ASAP1: variants seen among roughly 807,000 people sequenced by gnomAD.
ASAP1 encodes the protein arf-GAP with SH3 domain, ANK repeat and PH domain-containing protein 1.
A neutral mutation model predicts 145.2 loss-of-function variants in ASAP1; 43 were observed. The ratio of observed to expected loss-of-function variants is 0.30; its 90% CI spans 0.23 to 0.38. ASAP1 has a LOEUF of 0.38. Among genes scored for constraint, ASAP1 ranks in the 10% least tolerant of loss-of-function variants. The probability of loss-of-function intolerance (pLI) is 1.00; values close to 1 mark genes in which losing one functional copy is unlikely to be tolerated. For missense variants in ASAP1, 1,018 were observed against 1,355.3 expected, an observed-to-expected ratio of 0.75 and a Z score of 3.91; for synonymous variants, 546 against 515.5, an observed-to-expected ratio of 1.06 and a Z score of -0.80.
intron 27 of ASAP1, among the ~76,000 whole-genome samples, chr8:130,074,703 G>T (rs1005228411): frequency 6.6e-6 from 1 of 152,174 alleles, no homozygotes; most frequent in African/African-American, 2.4e-5. Context: ...TGGTAGTAGG[G>T]GTGGACTCCT....
At chr8:130,151,924 T>C (rs2097647287) in intron 13 of ASAP1, among the ~76,000 whole-genome samples, 1 of 152,240 alleles carries the variant, frequency 6.6e-6, no homozygotes, top group South Asian at 2.1e-4. Flanking sequence ...CAGCTGTTCT[T>C]TGTGCTTCAG....
In ASAP1 at chr8:130,068,954, G is replaced by A. The variant is rs138127827; in HGVS notation, c.2701+7394C>T. 2.7e-3 allele frequency among the ~76,000 whole-genome samples: 416 copies of A among 152,284 alleles called. 1 individual carries two copies. Among genetic ancestry groups the A allele is most frequent in the South Asian group, 5.0e-3 (24 of 4,824 alleles). On this transcript the variant is annotated intron_variant, in intron 27 of 29. Transcript: ENST00000518721. ...CAGTTCAAGAAGCCTTATTAAATTT[G>A]CTGTCTCAGCTTCCCTTCATGGGTC...
At chr8:130,394,571 T>C (rs1320225069) in intron 2 of ASAP1, among the ~76,000 whole-genome samples, 1 of 152,180 alleles carries the variant, frequency 6.6e-6, no homozygotes, top group African/African-American at 2.4e-5. Context: ...CCTTGTAAAG[T>C]ATGCGATCTC....
intron 2 of ASAP1, among the ~76,000 whole-genome samples, chr8:130,387,211 A>G (rs1229196235): frequency 6.6e-6 from 1 of 152,118 alleles, no homozygotes; most frequent in Non-Finnish European, 1.5e-5. Flanking sequence ...CAGGAAGAAG[A>G]AATGTGAAAA....
intron 10 of ASAP1, 79 bp from the exon 11 acceptor site, chr8:130,167,701 C>T: frequency 9.9e-7 from 1 of 1,006,250 alleles, no homozygotes; most frequent in Non-Finnish European, 1.5e-6. Context: ...AAATACCACT[C>T]ATCAAAATTC....
At chr8:130,165,970 T>C (rs575825404) in intron 11 of ASAP1, among the ~76,000 whole-genome samples, 1 of 152,348 alleles carries the variant, frequency 6.6e-6, no homozygotes, top group East Asian at 1.9e-4. Flanking sequence ...AAAAACTGAC[T>C]ATAAAAATGC....
intron 2 of ASAP1, among the ~76,000 whole-genome samples, chr8:130,383,241 C>G (rs1015321707): frequency 2.6e-5 from 4 of 152,298 alleles, no homozygotes; most frequent in African/African-American, 9.6e-5. Flanking sequence ...CAAAGGATTC[C>G]CCAGGCTCCA....
chr8:130,056,855 G>C (rs1369847144), intron 29 of ASAP1, among the ~76,000 whole-genome samples: 1 of 152,202 alleles, frequency 6.6e-6, no homozygotes, highest in African/African-American at 2.4e-5. Context: ...AACAAGGAGA[G>C]CAGAAGAGGT....
chr8:130,091,721 G>A (rs1028732768), intron 25 of ASAP1, among the ~76,000 whole-genome samples: 6 of 152,252 alleles, frequency 3.9e-5, no homozygotes, highest in Admixed American at 3.3e-4. Context: ...CTACCTCACA[G>A]AGTTGCTATT....
At chr8:130,188,278 C>A in intron 5 of ASAP1, 95 bp from the exon 6 acceptor site, 1 of 961,744 alleles carries the variant, frequency 1.0e-6, no homozygotes. Context: ...TTCCACACAC[C>A]AGGCTCTGTT....
intron 5 of ASAP1, among the ~76,000 whole-genome samples, chr8:130,209,001 G>A (rs954680045): frequency 6.6e-6 from 1 of 152,050 alleles, no homozygotes; most frequent in Non-Finnish European, 1.5e-5. Context: ...CTTTGATTAG[G>A]GGGAATATGA....
intron 1 of ASAP1, among the ~76,000 whole-genome samples, chr8:130,422,878 T>C (rs371655182): frequency 8.5e-5 from 13 of 152,290 alleles, no homozygotes; most frequent in African/African-American, 2.4e-4. Context: ...ATTCTTAACA[T>C]GGAATGATAA....
intron 3 of ASAP1, among the ~76,000 whole-genome samples, 193 bp from the exon 4 acceptor site, chr8:130,237,187 C>T (rs190002006): frequency 1.2e-3 from 182 of 152,172 alleles, no homozygotes; most frequent in African/African-American, 4.3e-3. Flanking sequence ...CGGAGAAGTG[C>T]AGTCATTCCA....
intron 1 of ASAP1, among the ~76,000 whole-genome samples, chr8:130,424,541 C>A (rs988582505): frequency 6.6e-6 from 1 of 152,164 alleles, no homozygotes; most frequent in African/African-American, 2.4e-5. Context: ...ACAATTTAAT[C>A]TTCCCAGTGA....
At chr8:130,376,933 C>T (rs1278578084) in intron 2 of ASAP1, among the ~76,000 whole-genome samples, 4 of 116,466 alleles carry the variant, frequency 3.4e-5, no homozygotes, top group Admixed American at 3.3e-4. Context: ...AAAAAAAAGT[C>T]TTGCTCTCCA....
At chr8:130,277,225 C>T (rs1465296969) in intron 3 of ASAP1, among the ~76,000 whole-genome samples, 1 of 152,078 alleles carries the variant, frequency 6.6e-6, no homozygotes, top group Non-Finnish European at 1.5e-5. Context: ...ACAGCGTCAG[C>T]GAGAAAGGGG....
chr8:130,427,219 A>G (rs1354286963), intron 1 of ASAP1, among the ~76,000 whole-genome samples: 1 of 152,126 alleles, frequency 6.6e-6, no homozygotes, highest in African/African-American at 2.4e-5. Flanking sequence ...TATTTTAAAG[A>G]ACCGGAGAGC....
chr8:130,241,883 C>T (rs934806826), intron 3 of ASAP1, among the ~76,000 whole-genome samples: 2 of 152,128 alleles, frequency 1.3e-5, no homozygotes, highest in Admixed American at 1.3e-4. Context: ...AAATCTATGG[C>T]ACTTTCTATA....
chr8:130,256,421 G>A (rs2136919899), intron 3 of ASAP1, among the ~76,000 whole-genome samples: 1 of 151,408 alleles, frequency 6.6e-6, no homozygotes. Flanking sequence ...GGGGCGGTGG[G>A]GGAACTTCCA....
Sources: gnomAD v4.1 joint callset for allele counts (sites outside exome capture counted in the v4.1 genomes callset) on GRCh38, gnomAD v4.1.1 for gene constraint, MANE v1.5 for transcripts, NCBI Gene and HGNC (gene_info 2026-07-23, HGNC 2026-07-21) for gene names.